Variants in CFAP61 observed in about 807,000 individuals in gnomAD.
The protein encoded by CFAP61 is cilia- and flagella-associated protein 61.
Under a neutral mutation model 135.6 loss-of-function variants are expected in CFAP61, and 107 were observed. The ratio of observed to expected loss-of-function variants is 0.79; its 90% CI spans 0.67 to 0.93. The LOEUF (loss-of-function observed/expected upper bound fraction) is 0.93. Among genes scored for constraint, CFAP61 ranks in the 40% least tolerant of loss-of-function variants. The probability of loss-of-function intolerance (pLI) is 0.00; values close to 1 mark genes in which losing one functional copy is unlikely to be tolerated. For missense variants in CFAP61, 1,507 were observed against 1,556.2 expected (o/e 0.97, Z 0.53); for synonymous variants, 575 against 578.5 (o/e 0.99, Z 0.09).
At position 20,341,765 on chromosome 20, in the gene CFAP61, G is replaced by A. The variant is rs928732044; in HGVS notation, c.3423-66G>A. 6 of 1,138,914 alleles carry A rather than the reference G, an allele frequency of 5.3e-6. No individual in the cohort carries two copies. The African/African-American group carries it at 9.2e-5, about 17-fold the overall frequency. 70.6% of individuals were successfully genotyped at this position (1,138,914 alleles called of 1,614,324 possible). A position where few individuals can be genotyped will look rare whatever the true frequency, so the allele number is the denominator to read the frequency against. ...TGTAATTTATAAAGGCAAAAAAGCA[G>A]GTAAATACTTTATTAGTGGTAATGA... On this transcript the variant is annotated intron_variant, in intron 25 of 26. Transcript: ENST00000245957.
At chr20:20,251,145 C>T (rs1308233529) in intron 19 of CFAP61, among the ~76,000 whole-genome samples, 1 of 152,132 alleles carries the variant, frequency 6.6e-6, no homozygotes, top group African/African-American at 2.4e-5. Flanking sequence ...GAAGGGTTCT[C>T]GGTATTCAAA....
intron 26 of CFAP61, among the ~76,000 whole-genome samples, chr20:20,356,533 G>T: frequency 9.5e-6 from 1 of 104,918 alleles, no homozygotes; most frequent in Non-Finnish European, 2.3e-5. Flanking sequence ...GTCACAGTGT[G>T]AGGGGAGGTG....
At chr20:20,354,898 G>T (rs1299247993) in intron 26 of CFAP61, among the ~76,000 whole-genome samples, 1 of 70,596 alleles carries the variant, frequency 1.4e-5, no homozygotes, top group African/African-American at 4.2e-5. Context: ...TGTCAGAGGA[G>T]GTGGTCACAC....
intron 13 of CFAP61, among the ~76,000 whole-genome samples, chr20:20,180,514 CAGAT>C (rs1401743515): frequency 6.6e-6 from 1 of 151,768 alleles, no homozygotes; most frequent in African/African-American, 2.4e-5. Flanking sequence ...AAGTCAATAA[CAGAT>C]GGAGAGGTTG....
intron 12 of CFAP61, 155 bp downstream of exon 12, chr20:20,166,591 A>G (rs1601113903): frequency 1.6e-6 from 1 of 639,366 alleles, no homozygotes; most frequent in East Asian, 2.8e-5. Context: ...AATACAAAAT[A>G]TTGTCATTTT....
At chr20:20,293,969 C>T (rs539348691) in intron 24 of CFAP61, among the ~76,000 whole-genome samples, 1 of 152,014 alleles carries the variant, frequency 6.6e-6, no homozygotes, top group Non-Finnish European at 1.5e-5. Context: ...CAACCTTTGT[C>T]AAAATCATAA....
chr20:20,164,313 T>A, intron 11 of CFAP61, 85 bp downstream of exon 11: 1 of 1,361,582 alleles, frequency 7.3e-7, no homozygotes, highest in Non-Finnish European at 1.0e-6. Flanking sequence ...ACAGAGCCAG[T>A]AATTTCCAAA....
chr20:20,090,773 C>G, intron 6 of CFAP61, 71 bp from the exon 7 acceptor site: 1 of 1,521,184 alleles, frequency 6.6e-7, no homozygotes, highest in Non-Finnish European at 9.0e-7. Context: ...GGGTCTGGCA[C>G]ACAGTTGGTG....
chr20:20,151,825 G>A (rs1387016396), intron 9 of CFAP61, among the ~76,000 whole-genome samples: 15 of 3,666 alleles, frequency 4.1e-3, no homozygotes, highest in Non-Finnish European at 0.016. Context: ...GCAAGACTCC[G>A]TCTCAAAAAA....
intron 25 of CFAP61, among the ~76,000 whole-genome samples, chr20:20,317,948 G>A (rs754996351): frequency 2.6e-5 from 4 of 152,188 alleles, no homozygotes; most frequent in Admixed American, 6.5e-5. Context: ...GACAAACGGC[G>A]CCTGCAAGCT....
intron 8 of CFAP61, among the ~76,000 whole-genome samples, chr20:20,128,159 T>G (rs1329782147): frequency 2.0e-5 from 3 of 151,940 alleles, no homozygotes; most frequent in East Asian, 3.9e-4. Flanking sequence ...CTGTGGAGAC[T>G]GCACACTGGA....
chr20:20,066,418 G>C (rs1314653872), intron 2 of CFAP61, among the ~76,000 whole-genome samples: 1 of 152,178 alleles, frequency 6.6e-6, no homozygotes, highest in Non-Finnish European at 1.5e-5. Context: ...CAAAGACTTG[G>C]AACCAACCCA....
intron 25 of CFAP61, among the ~76,000 whole-genome samples, chr20:20,302,451 T>C (rs1249687657): frequency 2.0e-5 from 3 of 152,124 alleles, no homozygotes; most frequent in Non-Finnish European, 4.4e-5. Flanking sequence ...CACCTAAAAT[T>C]GGGAGTTCAG....
chr20:20,342,922 G>A (rs764237133), intron 26 of CFAP61, among the ~76,000 whole-genome samples: 22 of 151,576 alleles, frequency 1.5e-4, no homozygotes, highest in Non-Finnish European at 2.1e-4. Flanking sequence ...GTGCAATGGC[G>A]TGATCTCAGC....
intron 8 of CFAP61, among the ~76,000 whole-genome samples, chr20:20,101,654 C>A (rs576654368): frequency 0.018 from 133 of 7,582 alleles, no homozygotes; most frequent in Admixed American, 0.024. Flanking sequence ...AGATGAAGGC[C>A]CCCCTCTGTC....
At chr20:20,154,637 ACAC>A (rs1243201697) in intron 9 of CFAP61, among the ~76,000 whole-genome samples, 1 of 151,946 alleles carries the variant, frequency 6.6e-6, no homozygotes, top group African/African-American at 2.4e-5. Flanking sequence ...AACAACAACA[ACAC>A]ACAAACAAAA....
intron 3 of CFAP61, among the ~76,000 whole-genome samples, 181 bp downstream of exon 3, chr20:20,071,185 G>A (rs939406992): frequency 6.6e-6 from 1 of 152,210 alleles, no homozygotes; most frequent in East Asian, 1.9e-4. Flanking sequence ...GGATAGGAAA[G>A]GGCAGGGAGT....
intron 22 of CFAP61, among the ~76,000 whole-genome samples, chr20:20,279,651 T>C (rs2054036557): frequency 6.6e-6 from 1 of 152,178 alleles, no homozygotes; most frequent in African/African-American, 2.4e-5. Context: ...TTCAAATCCA[T>C]GTTGCCCAAG....
At chr20:20,216,426 A>G (rs1472673682) in intron 17 of CFAP61, among the ~76,000 whole-genome samples, 1 of 152,214 alleles carries the variant, frequency 6.6e-6, no homozygotes, top group Non-Finnish European at 1.5e-5. Flanking sequence ...TTGAATATAC[A>G]CAGAGTGAGC....
Sources: allele counts gnomAD v4.1 joint callset (sites outside exome capture counted in the v4.1 genomes callset), GRCh38; gene constraint gnomAD v4.1.1; transcripts MANE v1.5; gene names NCBI Gene and HGNC (gene_info 2026-07-23, HGNC 2026-07-21).